The following PLEKHH2 variants were observed in gnomAD, a reference collection of about 807,000 sequenced individuals.
PLEKHH2 encodes pleckstrin homology, MyTH4 and FERM domain containing H2.
In PLEKHH2, 129 loss-of-function variants were observed where a neutral mutation model predicts 187.9. The ratio of observed to expected loss-of-function variants is 0.69; its 90% CI spans 0.59 to 0.79. PLEKHH2 has a LOEUF of 0.79. PLEKHH2 is among the 30% of genes least tolerant of loss of function. The pLI is 0.00. For missense variants in PLEKHH2, 2,076 were observed against 1,751.2 expected, an observed-to-expected ratio of 1.19 and a Z score of -3.31; for synonymous variants, 686 against 605.6, an observed-to-expected ratio of 1.13 and a Z score of -1.95.
chr2:43,692,049 C>A (rs1207461318), intron 3 of PLEKHH2, among the ~76,000 whole-genome samples: 1 of 152,052 alleles, frequency 6.6e-6, no homozygotes, highest in Admixed American at 6.6e-5. Context: ...TGTTTTCCCA[C>A]CCCCCTTTCC....
Position 43,700,434 on chromosome 2 carries a change from T to C in PLEKHH2, c.1476T>C (p.Val492=). The C allele has an allele frequency of 6.2e-7, 1 of 1,614,078 alleles. No individual in the cohort carries two copies. Among genetic ancestry groups the C allele is most frequent in the African/African-American group, 1.3e-5 (1 of 75,016 alleles). The stretch of plus-strand genomic sequence containing the variant: ...CTCAGGAAACTGATCTTGATCTAGT[T>C]GATGGAGACAGTACAGAAGTTTTAG... ...LRPQETDLDL[V]DGDSTEVLEN... Residue 492 remains valine (V), a synonymous_variant, in exon 8 of 30, where the codon GTT becomes GTC. Transcript: ENST00000282406.
chr2:43,678,437 C>G (rs929336364), intron 2 of PLEKHH2, among the ~76,000 whole-genome samples: 8 of 152,288 alleles, frequency 5.3e-5, no homozygotes, highest in East Asian at 3.9e-4. Context: ...ACTGAGTGAA[C>G]GAGGCTCCGT....
chr2:43,690,024 T>G (rs1360075794), intron 3 of PLEKHH2, among the ~76,000 whole-genome samples: 2 of 152,246 alleles, frequency 1.3e-5, no homozygotes, highest in Non-Finnish European at 2.9e-5. Flanking sequence ...CAGTTACTTT[T>G]GTTTTTCTTG....
At chr2:43,681,041 C>A in intron 3 of PLEKHH2, 1 of 1,272,592 alleles carries the variant, frequency 7.9e-7, no homozygotes, top group Non-Finnish European at 1.1e-6. Flanking sequence ...AACTGGAATT[C>A]CTTCCTGTAC....
Position 43,762,400 on chromosome 2 carries a change from A to C in PLEKHH2, c.4158+10A>C. The C allele has an allele frequency of 6.3e-7, 1 of 1,586,970 alleles. No homozygotes were observed. Among genetic ancestry groups the C allele is most frequent in the Non-Finnish European group, 8.7e-7 (1 of 1,155,452 alleles). On this transcript the variant is annotated intron_variant, in intron 28 of 29. Transcript: ENST00000282406. Reference sequence around the variant, plus strand: ...AGAATACAACTCCATGGTAAGTTTAAACGCTCAAGTTTTGCATTAAGTCAA... The same window carrying C: ...AGAATACAACTCCATGGTAAGTTTACACGCTCAAGTTTTGCATTAAGTCAA...
chr2:43,715,466 A>T (rs1221625413), intron 15 of PLEKHH2, among the ~76,000 whole-genome samples: 1 of 152,134 alleles, frequency 6.6e-6, no homozygotes, highest in African/African-American at 2.4e-5. Context: ...GGGCATATTC[A>T]TGTTGCTAAC....
intron 24 of PLEKHH2, among the ~76,000 whole-genome samples, chr2:43,748,558 G>A (rs1671873011): frequency 6.6e-6 from 1 of 152,222 alleles, no homozygotes; most frequent in African/African-American, 2.4e-5. Context: ...CAGACCCACT[G>A]AGTCAGAATT....
At chr2:43,657,399 T>A (rs984009958) in intron 2 of PLEKHH2, among the ~76,000 whole-genome samples, 1 of 152,198 alleles carries the variant, frequency 6.6e-6, no homozygotes, top group African/African-American at 2.4e-5. Flanking sequence ...GGAAACTATC[T>A]GAGCCACCCT....
chr2:43,717,525 G>A lies in PLEKHH2; in HGVS notation c.2461-3144G>A, dbSNP rs77683732. Among the ~76,000 whole-genome samples the A allele has an allele frequency of 1.0e-3, 154 of 152,306 alleles. 1 individual carries two copies. The highest frequency in any genetic ancestry group is 3.6e-3 in the African/African-American group (148 of 41,572). Reference sequence around the variant, plus strand: ...GGGAGGAAGTTGTGATCAGAGAATAGAAAGTAAATTGCAGAAGTGGAGCAG... The same window carrying A: ...GGGAGGAAGTTGTGATCAGAGAATAAAAAGTAAATTGCAGAAGTGGAGCAG... On this transcript the variant is annotated intron_variant, in intron 15 of 29. Transcript: ENST00000282406.
intron 1 of PLEKHH2, among the ~76,000 whole-genome samples, chr2:43,638,248 AACAC>A (rs70965309): frequency 0.017 from 2,575 of 148,836 alleles, 24 homozygotes; most frequent in South Asian, 0.035. Context: ...AAGATCTTTT[AACAC>A]ACACACACAC....
At chr2:43,742,976 A>G in intron 22 of PLEKHH2, 58 bp downstream of exon 22, 2 of 1,296,956 alleles carry the variant, frequency 1.5e-6, no homozygotes, top group Non-Finnish European at 2.0e-6. Flanking sequence ...CCTCTGTTAT[A>G]GGGAACAGAG....
chr2:43,668,089 G>A (rs1470047962), intron 2 of PLEKHH2, among the ~76,000 whole-genome samples: 1 of 152,148 alleles, frequency 6.6e-6, no homozygotes, highest in African/African-American at 2.4e-5. Context: ...CTGGAATGCA[G>A]TGGTATGATC....
intron 8 of PLEKHH2, among the ~76,000 whole-genome samples, chr2:43,701,305 G>C (rs918471436): frequency 2.6e-5 from 4 of 152,184 alleles, no homozygotes; most frequent in African/African-American, 9.7e-5. Flanking sequence ...AGAGAAAGGG[G>C]AGAGGAAGTT....
chr2:43,689,290 G>A (rs1237783536), intron 3 of PLEKHH2, among the ~76,000 whole-genome samples: 1 of 152,154 alleles, frequency 6.6e-6, no homozygotes, highest in Admixed American at 6.5e-5. Flanking sequence ...TGAGGTGGGT[G>A]GATACAATCA....
At chr2:43,710,184 A>G (rs750133082) in intron 12 of PLEKHH2, 36 bp from the exon 13 acceptor site, 1 of 1,610,810 alleles carries the variant, frequency 6.2e-7, no homozygotes, top group Non-Finnish European at 8.5e-7. Flanking sequence ...TCCAAAAGGA[A>G]ACTGAAAATG....
At chr2:43,675,421 T>C in intron 2 of PLEKHH2, 2 of 1,608,124 alleles carry the variant, frequency 1.2e-6, no homozygotes, top group Non-Finnish European at 1.7e-6. Context: ...GAGTGTGTCA[T>C]TGAAATAGTG....
intron 26 of PLEKHH2, 44 bp downstream of exon 26, chr2:43,757,308 G>C (rs746779740): frequency 7.4e-7 from 1 of 1,356,418 alleles, no homozygotes; most frequent in Non-Finnish European, 9.6e-7. Flanking sequence ...GGTCATACTA[G>C]TTTTTTGGTA....
intron 19 of PLEKHH2, among the ~76,000 whole-genome samples, chr2:43,736,222 A>G (rs544050542): frequency 3.9e-5 from 6 of 152,352 alleles, no homozygotes; most frequent in African/African-American, 1.4e-4. Context: ...AGTGAGAGGT[A>G]CAAAATAAGC....
At chr2:43,671,029 G>C (rs1667472075) in intron 2 of PLEKHH2, among the ~76,000 whole-genome samples, 1 of 150,610 alleles carries the variant, frequency 6.6e-6, no homozygotes, top group South Asian at 2.1e-4. Flanking sequence ...TTGTCCCCCA[G>C]GCTGGAGTGT....
Sources: gnomAD v4.1 joint callset for allele counts (sites outside exome capture counted in the v4.1 genomes callset) on GRCh38, gnomAD v4.1.1 for gene constraint, MANE v1.5 for transcripts, NCBI Gene and HGNC (gene_info 2026-07-23, HGNC 2026-07-21) for gene names.